Variants in HSPA4L observed in about 807,000 individuals in gnomAD.
The protein encoded by HSPA4L is heat shock 70 kDa protein 4L.
HSPA4L carries 48 observed loss-of-function variants against 100.3 expected under a neutral mutation model. That is an observed-to-expected ratio of 0.48 (90% confidence interval 0.38 to 0.61). The LOEUF (loss-of-function observed/expected upper bound fraction) is 0.61. Ranked by LOEUF, HSPA4L falls within the 20% of genes least tolerant of loss-of-function variation. The probability of loss-of-function intolerance (pLI) is 0.00; values close to 1 mark genes in which losing one functional copy is unlikely to be tolerated. For missense variants in HSPA4L, 886 were observed against 988.6 expected (o/e 0.90, Z 1.39); for synonymous variants, 319 against 328.2 (o/e 0.97, Z 0.30).
rs1038087483 is a variant in HSPA4L at position 127,838,925 on chromosome 4, G to T, written c.*6051G>T. On this transcript the variant is annotated 3_prime_UTR_variant, in exon 19 of 19. Transcript: ENST00000296464. ...TTAAGGGTTTTTTGGCTATAAATTCGTACTTGATAAGCTATGTTATTTCTT... is the reference window on the plus strand; with the variant it reads ...TTAAGGGTTTTTTGGCTATAAATTCTTACTTGATAAGCTATGTTATTTCTT... 1.3e-5 allele frequency: 2 copies of T among 151,734 alleles called. No individual in the cohort carries two copies. The highest frequency in any genetic ancestry group is 2.1e-4 in the South Asian group (1 of 4,816). 9.4% of individuals were successfully genotyped at this position (151,734 alleles called of 1,614,324 possible). A position where few individuals can be genotyped will look rare whatever the true frequency, so the allele number is the denominator to read the frequency against.
chr4:127,782,320 G>T (rs368523110), upstream of HSPA4L: 3 of 521,470 alleles, frequency 5.8e-6, no homozygotes, highest in African/African-American at 4.0e-5. Context: ...CGGCCGAACC[G>T]CAGTAGGGAA....
intron 6 of HSPA4L, 44 bp from the exon 7 acceptor site, chr4:127,803,585 A>G: frequency 1.4e-6 from 2 of 1,456,764 alleles, no homozygotes; most frequent in Non-Finnish European, 9.1e-7. Context: ...TTTTGGAAGA[A>G]TCTATATTTC....
At position 127,795,776 on chromosome 4, in the gene HSPA4L, G is replaced by A. The variant is rs780801336; in HGVS notation, c.174G>A (p.Thr58=). 19 of 1,613,294 alleles carry A rather than the reference G, an allele frequency of 1.2e-5. No homozygotes were observed. The highest frequency in any genetic ancestry group is 2.2e-5 in the East Asian group (1 of 44,840). The change falls in exon 3 of 19, where the codon ACG becomes ACA. Residue 58 remains threonine (T), a synonymous_variant. Transcript: ENST00000296464. ...GTGTTTACTGCCAACAGATAGTCACGAACGTAAGAAATACAATTCATGGCT... is the reference window on the plus strand; with the variant it reads ...GTGTTTACTGCCAACAGATAGTCACAAACGTAAGAAATACAATTCATGGCT... ...IGNAAKSQIV[T]NVRNTIHGFK...
rs775399179 is a variant in HSPA4L at position 127,795,739 on chromosome 4, T to A, written c.166-29T>A. 4.4e-6 allele frequency: 7 copies of A among 1,608,196 alleles called. No individual in the cohort carries two copies. The South Asian group carries it at 7.7e-5, about 18-fold the overall frequency. On this transcript the variant is annotated intron_variant, in intron 2 of 18. Coordinates refer to ENST00000296464, the MANE Select transcript of HSPA4L (RefSeq NM_014278.4). ...TTTTATTTTGCATTTATTAGGTAAC[T>A]GATAAATACAAGTGTTTACTGCCAA...
At position 127,820,494 on chromosome 4, in the gene HSPA4L, G is replaced by T; in HGVS notation, c.1741G>T (p.Asp581Tyr). 6.2e-7 allele frequency: 1 copy of T among 1,602,646 alleles called. No individual in the cohort carries two copies. The highest frequency in any genetic ancestry group is 8.5e-7 in the Non-Finnish European group (1 of 1,175,114). ...TLKKGKVKSI[D>Y]LPIQSSLCRQ... The stretch of plus-strand genomic sequence containing the variant: ...TAAAAAAGGAAAAGTCAAAAGTATT[G>T]ATCTACCGATCCAGAGTAGCCTATG... The change falls in exon 14 of 19, where the codon GAT becomes TAT. Residue 581 changes from aspartate (D) to tyrosine (Y), a missense_variant. Coordinates refer to ENST00000296464, the MANE Select transcript of HSPA4L (RefSeq NM_014278.4).
At position 127,832,951 on chromosome 4, in the gene HSPA4L, A is replaced by G. The variant is rs1365704231; in HGVS notation, c.*77A>G. 36 of 1,050,502 alleles carry G rather than the reference A, an allele frequency of 3.4e-5. No individual in the cohort carries two copies. The Middle Eastern group carries it at 1.1e-3, about 31-fold the overall frequency. 65.1% of individuals were successfully genotyped at this position (1,050,502 alleles called of 1,614,324 possible). A position where few individuals can be genotyped will look rare whatever the true frequency, so the allele number is the denominator to read the frequency against. ...CCATCTTTTACATCTGGTACACACA[A>G]CAGACGCTCAGTTGTTCTTAACCAC... is the stretch of plus-strand genomic sequence containing the variant. On this transcript the variant is annotated 3_prime_UTR_variant, in exon 19 of 19. Coordinates refer to ENST00000296464, the MANE Select transcript of HSPA4L (RefSeq NM_014278.4).
chr4:127,783,417 C>A, intron 1 of HSPA4L: 1 of 1,138,140 alleles, frequency 8.8e-7, no homozygotes, highest in Non-Finnish European at 1.2e-6. Flanking sequence ...TTGCCGGAGT[C>A]GGGGGCAGCT....
chr4:127,799,411 C>G (rs1454031861), intron 4 of HSPA4L, among the ~76,000 whole-genome samples: 1 of 152,024 alleles, frequency 6.6e-6, no homozygotes, highest in Non-Finnish European at 1.5e-5. Context: ...TATTTATAGG[C>G]ATTTTAACCC....
chr4:127,829,979 G>C (rs996028022), intron 17 of HSPA4L, among the ~76,000 whole-genome samples: 3 of 151,178 alleles, frequency 2.0e-5, no homozygotes, highest in African/African-American at 7.2e-5. Context: ...CCATTTGTTT[G>C]TTTGGGGTTT....
At position 127,840,454 on chromosome 4, in the gene HSPA4L, A is replaced by C. The variant is rs1038969377; in HGVS notation, c.*7580A>C. On this transcript the variant is annotated 3_prime_UTR_variant, in exon 19 of 19. Transcript: ENST00000296464. Reference sequence around the variant, plus strand: ...ATAAAAATAATTGAGATTCACATGTAATAGACCCTTTAGCTTTAATGAGCA... The same window carrying C: ...ATAAAAATAATTGAGATTCACATGTCATAGACCCTTTAGCTTTAATGAGCA... 11 of 152,228 alleles carry C rather than the reference A, an allele frequency of 7.2e-5. No homozygotes were observed. The highest frequency in any genetic ancestry group is 2.7e-4 in the African/African-American group (11 of 41,474). 9.4% of individuals were successfully genotyped at this position (152,228 alleles called of 1,614,324 possible). A position where few individuals can be genotyped will look rare whatever the true frequency, so the allele number is the denominator to read the frequency against.
chr4:127,790,581 A>C (rs1732847020), intron 1 of HSPA4L, among the ~76,000 whole-genome samples: 3 of 152,136 alleles, frequency 2.0e-5, no homozygotes, highest in Admixed American at 6.5e-5. Flanking sequence ...TTCCTCTTTA[A>C]TTTGACCATC....
In HSPA4L at chr4:127,790,357, C is replaced by T. The variant is rs183523990; in HGVS notation, c.108-3720C>T. Reference sequence around the variant, plus strand: ...ATAAGGTAGGCTGAGAAATGGCAAACGCATATTTTCTCTAATAGATGAGTT... The same window carrying T: ...ATAAGGTAGGCTGAGAAATGGCAAATGCATATTTTCTCTAATAGATGAGTT... On this transcript the variant is annotated intron_variant, in intron 1 of 18. Coordinates refer to ENST00000296464, the MANE Select transcript of HSPA4L (RefSeq NM_014278.4). Among the ~76,000 whole-genome samples, 476 of 152,254 alleles carry T rather than the reference C, an allele frequency of 3.1e-3. 3 individuals carry two copies. The highest frequency in any genetic ancestry group is 0.011 in the African/African-American group (444 of 41,558).
intron 1 of HSPA4L, among the ~76,000 whole-genome samples, chr4:127,788,725 G>T (rs994459553): frequency 2.0e-5 from 3 of 152,164 alleles, no homozygotes; most frequent in Admixed American, 2.0e-4. Context: ...GGTACTACTG[G>T]CATCTAGTGG....
chr4:127,809,577 C>A, intron 11 of HSPA4L: 1 of 673,988 alleles, frequency 1.5e-6, no homozygotes. Context: ...TTTTGGTGAA[C>A]TTTGATATTT....
intron 3 of HSPA4L, among the ~76,000 whole-genome samples, chr4:127,796,356 A>G (rs536171270): frequency 1.8e-4 from 28 of 152,254 alleles, no homozygotes; most frequent in Non-Finnish European, 3.4e-4. Flanking sequence ...TTATATTCTG[A>G]GATAGTTGTA....
intron 10 of HSPA4L, among the ~76,000 whole-genome samples, chr4:127,806,551 C>T (rs1484054642): frequency 6.6e-6 from 1 of 151,870 alleles, no homozygotes; most frequent in East Asian, 1.9e-4. Flanking sequence ...TTTAATTGAA[C>T]ATGCCAATAT....
At chr4:127,809,502 G>GAC in intron 11 of HSPA4L, 1 of 959,010 alleles carries the variant, frequency 1.0e-6, no homozygotes, top group Non-Finnish European at 1.7e-6. Context: ...ATGGAAAAGA[G>GAC]ACTTTGTAAT....
chr4:127,784,938 G>T (rs935257122), intron 1 of HSPA4L, among the ~76,000 whole-genome samples: 2 of 152,158 alleles, frequency 1.3e-5, no homozygotes, highest in Non-Finnish European at 2.9e-5. Context: ...TATTTTCTAA[G>T]ATGTGAATAC....
chr4:127,806,189 T>A (rs564156478), intron 10 of HSPA4L, among the ~76,000 whole-genome samples: 1 of 152,142 alleles, frequency 6.6e-6, no homozygotes, highest in East Asian at 1.9e-4. Flanking sequence ...TATCTATAAA[T>A]CTCTAGTGCA....
Sources: gnomAD v4.1 joint callset for allele counts (sites outside exome capture counted in the v4.1 genomes callset) on GRCh38, gnomAD v4.1.1 for gene constraint, MANE v1.5 for transcripts, NCBI Gene and HGNC (gene_info 2026-07-23, HGNC 2026-07-21) for gene names.